The following TP63 variants were observed in gnomAD, a reference collection of about 807,000 sequenced individuals.
The protein encoded by TP63 is tumor protein 63.
In TP63, 17 loss-of-function variants were observed where a neutral mutation model predicts 82.8. The observed-to-expected ratio is 0.21, with a 90% CI of 0.14 to 0.31. The LOEUF (loss-of-function observed/expected upper bound fraction) is 0.31, where lower values mean the gene tolerates loss of function less well. TP63 is among the 10% of genes least tolerant of loss of function. The probability of loss-of-function intolerance (pLI) is 1.00; values close to 1 mark genes in which losing one functional copy is unlikely to be tolerated. For missense variants in TP63, 648 were observed against 895.3 expected (o/e 0.72, Z 3.52); for synonymous variants, 330 against 321.7 (o/e 1.03, Z -0.28).
At chr3:189,653,426 A>G (rs1369303953) in intron 1 of TP63, among the ~76,000 whole-genome samples, 1 of 152,222 alleles carries the variant, frequency 6.6e-6, no homozygotes. Context: ...GACTTTGTCA[A>G]TCAGATCCAG....
chr3:189,805,224 C>T (rs532640181), intron 3 of TP63, among the ~76,000 whole-genome samples: 1 of 152,286 alleles, frequency 6.6e-6, no homozygotes, highest in East Asian at 1.9e-4. Context: ...AATCAGTTTA[C>T]TCAAGAAATT....
the TP63 span, among the ~76,000 whole-genome samples, chr3:189,625,148 A>G: frequency 2.0e-5 from 3 of 152,204 alleles, no homozygotes; most frequent in Non-Finnish European, 4.4e-5. Flanking sequence ...CAATGTAAAC[A>G]TATTGCTAAG....
intron 1 of TP63, among the ~76,000 whole-genome samples, chr3:189,632,605 G>C (rs1353055795): frequency 6.6e-6 from 1 of 152,034 alleles, no homozygotes; most frequent in Non-Finnish European, 1.5e-5. Flanking sequence ...AAGGCAGAAA[G>C]ATAAATAGAA....
At chr3:189,771,379 A>G (rs1723357032) in intron 3 of TP63, among the ~76,000 whole-genome samples, 1 of 137,764 alleles carries the variant, frequency 7.3e-6, no homozygotes, top group African/African-American at 2.7e-5. Context: ...TTCAATATAG[A>G]CTATATTATA....
At position 189,721,698 on chromosome 3, in the gene TP63, A is replaced by G. The variant is rs146423217; in HGVS notation, c.63-16042A>G. Among the ~76,000 whole-genome samples the G allele has an allele frequency of 1.1e-3, 164 of 152,268 alleles. 1 individual carries two copies. The highest frequency in any genetic ancestry group is 3.7e-3 in the African/African-American group (153 of 41,564). On this transcript the variant is annotated intron_variant, in intron 1 of 13. Coordinates refer to ENST00000264731, the MANE Select transcript of TP63 (RefSeq NM_003722.5). ...TGCCCAGACTTACCTCCCTGGGCGTAAGGAGTATCCAGCTGCCCAGGTGAT... is the reference window on the plus strand; with the variant it reads ...TGCCCAGACTTACCTCCCTGGGCGTGAGGAGTATCCAGCTGCCCAGGTGAT...
At chr3:189,648,989 A>G (rs1712656075) in intron 1 of TP63, among the ~76,000 whole-genome samples, 1 of 147,144 alleles carries the variant, frequency 6.8e-6, no homozygotes. Context: ...TTGTTATTAC[A>G]TAGTTCTCTC....
chr3:189,660,065 C>A (rs982541204), intron 1 of TP63, among the ~76,000 whole-genome samples: 1 of 151,900 alleles, frequency 6.6e-6, no homozygotes, highest in Admixed American at 6.6e-5. Flanking sequence ...AATTAGGTTC[C>A]ACTTGTCAAT....
chr3:189,761,873 C>T (rs375646269), intron 3 of TP63, among the ~76,000 whole-genome samples: 49 of 152,318 alleles, frequency 3.2e-4, no homozygotes, highest in Non-Finnish European at 5.0e-4. Flanking sequence ...ATGTGGATGG[C>T]AGCAGGCAGA....
intron 3 of TP63, among the ~76,000 whole-genome samples, chr3:189,741,495 C>T (rs562983323): frequency 3.7e-4 from 57 of 152,224 alleles, no homozygotes; most frequent in African/African-American, 1.3e-3. Flanking sequence ...ATTTTCTTTT[C>T]TCTTTTCCAC....
Position 189,649,524 on chromosome 3 carries a change from G to A in TP63, c.62+17947G>A, listed in dbSNP as rs532915439. On this transcript the variant is annotated intron_variant, in intron 1 of 13. Transcript: ENST00000264731. ...GATCAAAAAATAATAATTAATGAGT[G>A]CTAGGCTTAATACCTGGATGATGAA... Among the ~76,000 whole-genome samples the A allele has an allele frequency of 8.2e-5, 12 of 146,670 alleles. 3 individuals carry two copies. Among genetic ancestry groups the A allele is most frequent in the African/African-American group, 3.1e-4 (12 of 39,196 alleles).
rs919889729 is a variant in TP63 at position 189,660,703 on chromosome 3, G to GT, written c.62+29134dup. The stretch of plus-strand genomic sequence containing the variant: ...TTCTTCCAATCCATGAGCATGGAAT[G>GT]TTTTTTTTCATTTGTTTGTGTCATC... On this transcript the variant is annotated intron_variant, in intron 1 of 13. Transcript: ENST00000264731. 6.1e-4 allele frequency among the ~76,000 whole-genome samples: 93 copies of GT among 151,760 alleles called. No individual in the cohort carries two copies. In the Middle Eastern group the frequency reaches 0.014, roughly 22 times the overall value.
At chr3:189,619,721 A>G in the TP63 span, among the ~76,000 whole-genome samples, 2 of 152,180 alleles carry the variant, frequency 1.3e-5, no homozygotes, top group African/African-American at 2.4e-5. Context: ...TGTTCCCACC[A>G]TAACTGCCAA....
chr3:189,608,532 C>G, the TP63 span, among the ~76,000 whole-genome samples: 11 of 152,106 alleles, frequency 7.2e-5, no homozygotes, highest in Non-Finnish European at 1.5e-4. Context: ...TTTCAGAGGA[C>G]AGGTGATGCA....
chr3:189,883,937 G>GA (rs34401568), intron 10 of TP63, among the ~76,000 whole-genome samples: 54,089 of 143,810 alleles, frequency 0.38, 11,013 homozygotes, highest in Non-Finnish European at 0.49. Flanking sequence ...TGAGCGTCCA[G>GA]AAAAAAAAAA....
intron 1 of TP63, among the ~76,000 whole-genome samples, chr3:189,633,806 A>G (rs535512442): frequency 2.0e-5 from 3 of 152,276 alleles, no homozygotes; most frequent in African/African-American, 7.2e-5. Flanking sequence ...GTGATGAAAC[A>G]TAGCTCTTAC....
the TP63 span, among the ~76,000 whole-genome samples, chr3:189,605,137 T>C: frequency 2.6e-5 from 4 of 152,214 alleles, no homozygotes; most frequent in African/African-American, 4.8e-5. Context: ...CCTGTGTCCT[T>C]CTTGGGGCAT....
chr3:189,889,305 C>T, intron 11 of TP63, 35 bp from the exon 12 acceptor site: 2 of 1,614,160 alleles, frequency 1.2e-6, no homozygotes, highest in Non-Finnish European at 1.7e-6. Flanking sequence ...ATGATGATGG[C>T]AGTAACCCTT....
intron 3 of TP63, among the ~76,000 whole-genome samples, chr3:189,763,429 A>G (rs1436094526): frequency 6.6e-6 from 1 of 152,190 alleles, no homozygotes; most frequent in Non-Finnish European, 1.5e-5. Flanking sequence ...TGCTTGCTAA[A>G]CTGGAGGCAA....
intron 4 of TP63, among the ~76,000 whole-genome samples, chr3:189,816,247 C>T (rs964680686): frequency 6.6e-6 from 1 of 152,176 alleles, no homozygotes; most frequent in South Asian, 2.1e-4. Context: ...CTTTTAATGA[C>T]TCTGGAAAAC....
Sources: gnomAD v4.1 joint callset for allele counts (sites outside exome capture counted in the v4.1 genomes callset) on GRCh38, gnomAD v4.1.1 for gene constraint, MANE v1.5 for transcripts, NCBI Gene and HGNC (gene_info 2026-07-23, HGNC 2026-07-21) for gene names.